TFPI: variants seen among roughly 807,000 people sequenced by gnomAD.
TFPI encodes tissue factor pathway inhibitor.
In TFPI, 15 loss-of-function variants were observed where a neutral mutation model predicts 34.6. The observed-to-expected ratio is 0.43, with a 90% CI of 0.29 to 0.67. The LOEUF (loss-of-function observed/expected upper bound fraction) is 0.67. Ranked by LOEUF, TFPI falls within the 30% of genes least tolerant of loss-of-function variation. The pLI is 0.15. For synonymous variants in TFPI, 105 were observed against 120.1 expected (o/e 0.87, Z 0.82); for missense variants, 301 against 364.0 (o/e 0.83, Z 1.41).
At chr2:187,489,865 TAGCA>T (rs1684993600) in intron 3 of TFPI, among the ~76,000 whole-genome samples, 1 of 151,488 alleles carries the variant, frequency 6.6e-6, no homozygotes, top group Non-Finnish European at 1.5e-5. Context: ...TGTATGGCAA[TAGCA>T]GTATGAAAGC....
chr2:187,537,402 T>A (rs985570040), intron 1 of TFPI, among the ~76,000 whole-genome samples: 1 of 152,028 alleles, frequency 6.6e-6, no homozygotes, highest in Non-Finnish European at 1.5e-5. Context: ...TAAAGACCAA[T>A]GGAACAGAAC....
At chr2:187,519,348 T>A (rs1687219237) in intron 1 of TFPI, 1 of 154,068 alleles carries the variant, frequency 6.5e-6, no homozygotes. Flanking sequence ...TTCGTTGATG[T>A]TGATGCTATT....
chr2:187,476,318 G>A (rs1428357302), intron 6 of TFPI, among the ~76,000 whole-genome samples: 1 of 152,102 alleles, frequency 6.6e-6, no homozygotes, highest in Non-Finnish European at 1.5e-5. Context: ...AGAAGAGGCA[G>A]AGTTGGAATT....
At chr2:187,485,757 T>C (rs1416687959) in intron 4 of TFPI, among the ~76,000 whole-genome samples, 2 of 151,716 alleles carry the variant, frequency 1.3e-5, no homozygotes, top group South Asian at 2.1e-4. Context: ...TCTACATGCA[T>C]GCACTGTGAA....
intron 1 of TFPI, chr2:187,547,067 T>C (rs1256956808): frequency 1.3e-5 from 2 of 152,174 alleles, no homozygotes; most frequent in African/African-American, 4.8e-5. Flanking sequence ...TCAGATTTTA[T>C]CTCTGCCTAG....
chr2:187,517,564 T>A (rs1687092673), intron 1 of TFPI: 2 of 152,328 alleles, frequency 1.3e-5, no homozygotes, highest in Middle Eastern at 3.4e-3. Flanking sequence ...CATCCAATTA[T>A]GTGGCTAATT....
At chr2:187,543,554 A>G (rs1199042480) in intron 1 of TFPI, among the ~76,000 whole-genome samples, 1 of 152,224 alleles carries the variant, frequency 6.6e-6, no homozygotes, top group Non-Finnish European at 1.5e-5. Context: ...AAGTTTAGTC[A>G]TCTGGTTTGT....
chr2:187,520,495 G>T (rs1391542212), intron 1 of TFPI: 1 of 152,122 alleles, frequency 6.6e-6, no homozygotes, highest in Non-Finnish European at 1.5e-5. Context: ...AACCAGTCCC[G>T]ATGAGATGAG....
intron 1 of TFPI, among the ~76,000 whole-genome samples, chr2:187,508,137 T>C (rs1047296447): frequency 2.6e-5 from 4 of 152,230 alleles, no homozygotes; most frequent in African/African-American, 9.6e-5. Context: ...GTGCTGTTAT[T>C]TCTGAGGCCT....
chr2:187,490,870 G>A (rs1559113458), intron 3 of TFPI, among the ~76,000 whole-genome samples: 1 of 150,878 alleles, frequency 6.6e-6, no homozygotes, highest in African/African-American at 2.4e-5. Context: ...TTCATTATGG[G>A]CCTATTTGTT....
rs532764550 is a variant in TFPI at position 187,508,043 on chromosome 2, C to T, written c.-2-4273G>A. Among the ~76,000 whole-genome samples the T allele has an allele frequency of 3.3e-5, 5 of 152,234 alleles. No individual in the cohort carries two copies. In the South Asian group the frequency reaches 1.0e-3, roughly 32 times the overall value. ...TTTCTGCACATGGCTAGTCAGTTTT[C>T]CCAACATGATTTATTAAATAGGAAA... On this transcript the variant is annotated intron_variant, in intron 1 of 7. Coordinates refer to ENST00000233156, the MANE Select transcript of TFPI (RefSeq NM_006287.6).
chr2:187,535,066 A>G (rs13033606), intron 1 of TFPI, among the ~76,000 whole-genome samples: 5 of 152,294 alleles, frequency 3.3e-5, no homozygotes, highest in African/African-American at 1.2e-4. Context: ...CACCAAATAC[A>G]GGAGCACCCA....
chr2:187,471,254 C>G (rs1408721566), intron 6 of TFPI, among the ~76,000 whole-genome samples: 1 of 152,144 alleles, frequency 6.6e-6, no homozygotes, highest in African/African-American at 2.4e-5. Flanking sequence ...CATTGGGTTA[C>G]TATACCATAA....
intron 1 of TFPI, among the ~76,000 whole-genome samples, chr2:187,528,946 A>G (rs1355039422): frequency 1.3e-5 from 2 of 152,170 alleles, no homozygotes; most frequent in Admixed American, 6.5e-5. Context: ...AATGGTAAGA[A>G]TTTGAAAAAG....
At chr2:187,469,530 T>C (rs1055042561) in intron 6 of TFPI, among the ~76,000 whole-genome samples, 4 of 152,104 alleles carry the variant, frequency 2.6e-5, no homozygotes, top group Non-Finnish European at 5.9e-5. Context: ...GGGATACATA[T>C]AGATAGTAAA....
At position 187,484,943 on chromosome 2, in the gene TFPI, G is replaced by A. The variant is rs748063507; in HGVS notation, c.403C>T (p.Arg135Ter). 1.3e-6 allele frequency: 2 copies of A among 1,553,390 alleles called. No individual in the cohort carries two copies. The highest frequency in any genetic ancestry group is 1.3e-5 in the South Asian group (1 of 76,374). ...TAAAAATACCTGGTAATATAACCTC[G>A]ACATATTCCAGGATCTTCTTCCAAA... The part of the protein sequence containing the change: ...CFLEEDPGIC[R>*]GYITRYFYNN... Residue 135 changes from arginine to a stop codon, truncating the protein, a stop_gained, in exon 5 of 8, where the codon CGA (arginine) becomes TGA (stop). Transcript: ENST00000233156. LOFTEE classifies it high-confidence loss of function.
chr2:187,537,299 G>A (rs1015825100), intron 1 of TFPI, among the ~76,000 whole-genome samples: 1 of 152,048 alleles, frequency 6.6e-6, no homozygotes, highest in Non-Finnish European at 1.5e-5. Flanking sequence ...TAAGCAAAAA[G>A]AACAAAGCTG....
At position 187,554,381 on chromosome 2, in the gene TFPI, G is replaced by A. The variant is rs778832597; in HGVS notation, c.-184C>T. ...GAAACGCAATCTGATCTTACTAGCA[G>A]TGAAAGAGCGAGGTAAGAATTTGAC... On this transcript the variant is annotated 5_prime_UTR_variant, in exon 1 of 8. Coordinates refer to ENST00000233156, the MANE Select transcript of TFPI (RefSeq NM_006287.6). The A allele has an allele frequency of 6.6e-6, 1 of 152,160 alleles. No individual in the cohort carries two copies. Among genetic ancestry groups the A allele is most frequent in the African/African-American group, 2.4e-5 (1 of 41,426 alleles). 9.4% of individuals were successfully genotyped at this position (152,160 alleles called of 1,614,324 possible).
chr2:187,478,178 G>A (rs1426462303), intron 6 of TFPI, among the ~76,000 whole-genome samples: 1 of 152,116 alleles, frequency 6.6e-6, no homozygotes, highest in Non-Finnish European at 1.5e-5. Context: ...TGGCCAACAT[G>A]ATGAAACCCT....
Sources: gnomAD v4.1 joint callset for allele counts (sites outside exome capture counted in the v4.1 genomes callset) on GRCh38, gnomAD v4.1.1 for gene constraint, MANE v1.5 for transcripts, NCBI Gene and HGNC (gene_info 2026-07-23, HGNC 2026-07-21) for gene names.